DCC: variants seen among roughly 807,000 people sequenced by gnomAD.
The protein encoded by DCC is DCC netrin 1 receptor.
Under a neutral mutation model 172.5 loss-of-function variants are expected in DCC, and 58 were observed. That is an observed-to-expected ratio of 0.34 (90% CI 0.27 to 0.42). DCC has a LOEUF of 0.42. DCC is among the 10% of genes least tolerant of loss of function. DCC has a pLI of 1.00. For synonymous variants in DCC, 709 were observed against 644.5 expected (o/e 1.10, Z -1.52); for missense variants, 1,740 against 1,791.0 (o/e 0.97, Z 0.51).
At chr18:53,081,329 G>A (rs988871847) in intron 7 of DCC, among the ~76,000 whole-genome samples, 3 of 151,940 alleles carry the variant, frequency 2.0e-5, no homozygotes, top group Non-Finnish European at 2.9e-5. Flanking sequence ...CTACTTCTAT[G>A]TGCACTCATG....
chr18:53,010,701 A>G (rs994421865), intron 5 of DCC, among the ~76,000 whole-genome samples: 1 of 150,838 alleles, frequency 6.6e-6, no homozygotes, highest in Non-Finnish European at 1.5e-5. Flanking sequence ...TAATATATTT[A>G]TATACCCAAA....
chr18:52,981,412 C>A (rs2041206411), intron 5 of DCC, among the ~76,000 whole-genome samples: 1 of 152,044 alleles, frequency 6.6e-6, no homozygotes, highest in African/African-American at 2.4e-5. Flanking sequence ...CTCAAGTTTT[C>A]TTCACCCTTG....
chr18:53,137,225 C>A (rs2043757277), intron 7 of DCC, among the ~76,000 whole-genome samples: 1 of 152,236 alleles, frequency 6.6e-6, no homozygotes, highest in African/African-American at 2.4e-5. Flanking sequence ...TCTCCCCAGG[C>A]TCCAATCCAG....
intron 25 of DCC, among the ~76,000 whole-genome samples, chr18:53,470,697 T>C (rs1247199059): frequency 6.6e-6 from 1 of 151,834 alleles, no homozygotes; most frequent in Non-Finnish European, 1.5e-5. Flanking sequence ...GAAAAGCAAG[T>C]ACCTTCTTCA....
At chr18:52,357,733 A>C (rs1223167) in intron 1 of DCC, among the ~76,000 whole-genome samples, 1 of 151,980 alleles carries the variant, frequency 6.6e-6, no homozygotes, top group African/African-American at 2.4e-5. Flanking sequence ...TCAGGAGATC[A>C]AGACCATCCT....
Position 52,836,123 on chromosome 18 carries a change from C to T in DCC, c.413-69921C>T, listed in dbSNP as rs557706202. On this transcript the variant is annotated intron_variant, in intron 2 of 28. Transcript: ENST00000442544. The stretch of plus-strand genomic sequence containing the variant: ...ATAAAGCCATCAGATCTCATGAGAA[C>T]TTGTGCACTATCATGAGAACAGGAT... Among the ~76,000 whole-genome samples, 14 of 152,286 alleles carry T rather than the reference C, an allele frequency of 9.2e-5. 1 individual carries two copies. The South Asian group carries it at 2.9e-3, about 32-fold the overall frequency.
intron 7 of DCC, among the ~76,000 whole-genome samples, chr18:53,106,671 A>G (rs1349041532): frequency 6.6e-6 from 1 of 151,996 alleles, no homozygotes; most frequent in African/African-American, 2.4e-5. Context: ...AGAACAATAA[A>G]GAACTCAGGA....
chr18:52,567,898 A>C (rs1007778198), intron 1 of DCC, among the ~76,000 whole-genome samples: 1 of 152,164 alleles, frequency 6.6e-6, no homozygotes, highest in Admixed American at 6.6e-5. Context: ...ATAACTATTC[A>C]AATTTATACT....
chr18:53,260,707 A>T (rs573758472), intron 12 of DCC, among the ~76,000 whole-genome samples: 2 of 152,218 alleles, frequency 1.3e-5, no homozygotes, highest in African/African-American at 4.8e-5. Flanking sequence ...ATGTGCTGGG[A>T]GAACCACTAC....
At chr18:52,883,024 A>G (rs1031442707) in intron 2 of DCC, among the ~76,000 whole-genome samples, 2 of 152,024 alleles carry the variant, frequency 1.3e-5, no homozygotes, top group South Asian at 4.1e-4. Flanking sequence ...CTCTCCTGTT[A>G]CAGTTTTGGT....
At chr18:52,558,206 G>GA in intron 1 of DCC, among the ~76,000 whole-genome samples, 1 of 151,582 alleles carries the variant, frequency 6.6e-6, no homozygotes, top group South Asian at 2.1e-4. Flanking sequence ...AATTTATTGA[G>GA]AAAAATAAGA....
intron 7 of DCC, among the ~76,000 whole-genome samples, chr18:53,133,260 C>A (rs1350326064): frequency 1.3e-5 from 2 of 152,168 alleles, no homozygotes; most frequent in Non-Finnish European, 2.9e-5. Context: ...CCAGATGAAG[C>A]CTAAAGCTGC....
At chr18:53,169,321 G>A (rs749746082) in intron 8 of DCC, among the ~76,000 whole-genome samples, 3 of 152,216 alleles carry the variant, frequency 2.0e-5, no homozygotes, top group Admixed American at 6.5e-5. Flanking sequence ...AAAAATTAAC[G>A]CTTCTTATTA....
chr18:52,494,744 T>A (rs2030674998), intron 1 of DCC, among the ~76,000 whole-genome samples: 1 of 152,146 alleles, frequency 6.6e-6, no homozygotes. Context: ...TTTTCTTGTA[T>A]GTATTTGATA....
chr18:52,477,326 G>A (rs573245912), intron 1 of DCC, among the ~76,000 whole-genome samples: 2 of 152,182 alleles, frequency 1.3e-5, no homozygotes, highest in Non-Finnish European at 2.9e-5. Flanking sequence ...TTGCCCTATA[G>A]TCACATAAGG....
rs1176065755 is a variant in DCC, at chr18:53,305,671, G to A, written c.2005G>A (p.Gly669Ser). Residue 669 changes from glycine (G) to serine (S), a missense_variant, in exon 13 of 29, where the codon GGT becomes AGT. Gly to Ser is a moderately conservative substitution (Grantham distance 56). Transcript: ENST00000442544. ...TCGACACAGAAAGACGACCCGCAGG[G>A]GTGAGATGGAAACACTGGAGCCAAA... Reference protein sequence around the residue: ...KIRHRKTTRRGEMETLEPNNL... With the variant: ...KIRHRKTTRRSEMETLEPNNL... 4.3e-6 allele frequency: 7 copies of A among 1,613,926 alleles called. No individual in the cohort carries two copies. Among genetic ancestry groups the A allele is most frequent in the East Asian group, 2.2e-5 (1 of 44,880 alleles).
intron 4 of DCC, among the ~76,000 whole-genome samples, chr18:52,924,407 G>A (rs2040169475): frequency 6.6e-6 from 1 of 152,054 alleles, no homozygotes; most frequent in Admixed American, 6.6e-5. Context: ...TCATTATAGA[G>A]TTTGAGCAAT....
intron 1 of DCC, among the ~76,000 whole-genome samples, chr18:52,619,840 C>T (rs2034448392): frequency 6.6e-6 from 1 of 152,126 alleles, no homozygotes; most frequent in Non-Finnish European, 1.5e-5. Context: ...CCCCAGTCAC[C>T]CTCTCTCTGA....
At chr18:52,826,163 T>C (rs1249712820) in intron 2 of DCC, among the ~76,000 whole-genome samples, 1 of 152,236 alleles carries the variant, frequency 6.6e-6, no homozygotes, top group Non-Finnish European at 1.5e-5. Context: ...AGTTTGTAGA[T>C]GATTTCTACT....
Sources: gnomAD v4.1 joint callset for allele counts (sites outside exome capture counted in the v4.1 genomes callset) on GRCh38, gnomAD v4.1.1 for gene constraint, MANE v1.5 for transcripts, NCBI Gene and HGNC (gene_info 2026-07-23, HGNC 2026-07-21) for gene names.